The following GTF3C1 variants were observed in gnomAD, a reference collection of about 807,000 sequenced individuals.
GTF3C1 encodes the protein general transcription factor IIIC subunit 1, also known as general transcription factor 3C polypeptide 1.
In GTF3C1, 57 loss-of-function variants were observed where a neutral mutation model predicts 226.7. The ratio of observed to expected loss-of-function variants is 0.25; its 90% CI spans 0.20 to 0.31. The LOEUF (loss-of-function observed/expected upper bound fraction) is 0.31, where lower values mean the gene tolerates loss of function less well. Among genes scored for constraint, GTF3C1 ranks in the 10% least tolerant of loss-of-function variants. The pLI is 1.00. For synonymous variants in GTF3C1, 1,090 were observed against 1,084.8 expected, an observed-to-expected ratio of 1.00 and a Z score of -0.09; for missense variants, 2,217 against 2,776.1, an observed-to-expected ratio of 0.80 and a Z score of 4.53.
At chr16:27,474,370 A>C (rs751765445) in intron 29 of GTF3C1, among the ~76,000 whole-genome samples, 4 of 152,058 alleles carry the variant, frequency 2.6e-5, no homozygotes, top group Non-Finnish European at 5.9e-5. Context: ...TGGGAATAAT[A>C]CTGGGGATGG....
intron 27 of GTF3C1, among the ~76,000 whole-genome samples, chr16:27,479,557 TTCC>T (rs2088007160): frequency 6.6e-6 from 1 of 152,202 alleles, no homozygotes; most frequent in Admixed American, 6.5e-5. Context: ...CCACCTCTGC[TTCC>T]TGGGTTCAAG....
intron 25 of GTF3C1, 97 bp from the exon 26 acceptor site, chr16:27,483,222 C>T: frequency 8.3e-7 from 1 of 1,203,400 alleles, no homozygotes; most frequent in South Asian, 1.3e-5. Context: ...CTGGCCTTGG[C>T]CGACCTTGAA....
intron 4 of GTF3C1, among the ~76,000 whole-genome samples, chr16:27,536,586 TAA>T (rs1393416699): frequency 6.6e-6 from 1 of 152,236 alleles, no homozygotes; most frequent in East Asian, 1.9e-4. Context: ...CCGCAGTCAA[TAA>T]AGAGTCTACG....
chr16:27,462,893 A>G lies in GTF3C1; in HGVS notation c.5925-407T>C, dbSNP rs12445873. On this transcript the variant is annotated intron_variant, in intron 35 of 36. Coordinates refer to ENST00000356183, the MANE Select transcript of GTF3C1 (RefSeq NM_001520.4). The surrounding 1 kb of genome is among the most constrained non-coding windows in gnomAD (Gnocchi z 4.5). Reference sequence around the variant, plus strand: ...ACGCCATGTGCAGAGTTCCAGGCACACTTTCCTCGAAACAGACGTTTCTGT... The same window carrying G: ...ACGCCATGTGCAGAGTTCCAGGCACGCTTTCCTCGAAACAGACGTTTCTGT... The G allele has an allele frequency of 0.16, 32,110 of 196,008 alleles. 3,022 individuals carry two copies. Among genetic ancestry groups the G allele is most frequent in the African/African-American group, 0.25 (10,758 of 43,336 alleles). The allele number at this position is 196,008 out of a possible 1,614,324, so 12.1% of individuals were successfully genotyped here. A position where few individuals can be genotyped will look rare whatever the true frequency, so the allele number is the denominator to read the frequency against.
At position 27,506,083 on chromosome 16, in the gene GTF3C1, T is replaced by A; in HGVS notation, c.1586A>T (p.Lys529Ile). 3 of 1,613,086 alleles carry A rather than the reference T, an allele frequency of 1.9e-6. No homozygotes were observed. The highest frequency in any genetic ancestry group is 2.5e-6 in the Non-Finnish European group (3 of 1,179,072). ...GWKVVNLHPL[K>I]KQPPSFPGAA... is the part of the protein sequence containing the mutation. The stretch of plus-strand genomic sequence containing the variant: ...TCCTGGGAAGGAGGGCGGCTGCTTT[T>A]TCAATGGGTGTAGGTTTACAACTTT... The change falls in exon 10 of 37, where the codon AAA (lysine) becomes ATA (isoleucine). Residue 529 changes from lysine to isoleucine, a missense_variant. By Grantham distance (102) the Lys-to-Ile change is moderately radical. Coordinates refer to ENST00000356183, the MANE Select transcript of GTF3C1 (RefSeq NM_001520.4).
At chr16:27,505,071 G>A (rs1596639844) in intron 10 of GTF3C1, among the ~76,000 whole-genome samples, 3 of 152,320 alleles carry the variant, frequency 2.0e-5, no homozygotes, top group Admixed American at 2.0e-4. Flanking sequence ...GGCACTGGCA[G>A]TGTCTGGGGT....
At chr16:27,490,801 C>T (rs1325945933) in intron 19 of GTF3C1, among the ~76,000 whole-genome samples, 3 of 152,168 alleles carry the variant, frequency 2.0e-5, no homozygotes, top group Non-Finnish European at 4.4e-5. Flanking sequence ...ATGATTGCAT[C>T]TCATTATATG....
At chr16:27,517,531 G>A (rs971459707) in intron 6 of GTF3C1, among the ~76,000 whole-genome samples, 2 of 152,172 alleles carry the variant, frequency 1.3e-5, no homozygotes, top group African/African-American at 4.8e-5. Context: ...AGGAACAAAA[G>A]GCAGGTGAGA....
Position 27,478,483 on chromosome 16 carries a change from C to A in GTF3C1, c.4245G>T (p.Glu1415Asp). The A allele has an allele frequency of 6.2e-7, 1 of 1,607,630 alleles. No homozygotes were observed. The change falls in exon 28 of 37, where the codon GAG becomes GAT. Residue 1415 changes from glutamate (E) to aspartate (D), a missense_variant. Physicochemically the swap from Glu to Asp is conservative, Grantham distance 45. Around this residue, in one of 12 missense-constraint regions of GTF3C1, gnomAD observed 546 missense variants for 663.0 expected, o/e 0.82. Coordinates refer to ENST00000356183, the MANE Select transcript of GTF3C1 (RefSeq NM_001520.4). ...TCAGTACTTACCTGTTAAGTTCATC[C>A]TCTTTCCTGGTTTGATCTTTTTCAT... ...IGDEKDQTRK[E>D]DELNSVDDIH...
intron 21 of GTF3C1, 147 bp from the exon 22 acceptor site, chr16:27,488,782 T>C (rs1229792405): frequency 5.6e-6 from 4 of 712,984 alleles, no homozygotes; most frequent in Non-Finnish European, 9.4e-6. Flanking sequence ...CCACCCGCTT[T>C]ACCATTGCTC....
intron 27 of GTF3C1, among the ~76,000 whole-genome samples, chr16:27,479,837 C>A (rs541773095): frequency 6.6e-6 from 1 of 152,272 alleles, no homozygotes; most frequent in South Asian, 2.1e-4. Context: ...TAAACTGTTA[C>A]ACTTGCAACT....
intron 26 of GTF3C1, 87 bp downstream of exon 26, chr16:27,482,957 G>T: frequency 1.8e-6 from 2 of 1,087,256 alleles, no homozygotes; most frequent in East Asian, 2.4e-5. Context: ...AGGCTGGCAG[G>T]GGCACTGTGG....
intron 12 of GTF3C1, 22 bp downstream of exon 12, chr16:27,501,169 C>T (rs761983213): frequency 7.5e-6 from 12 of 1,600,546 alleles, no homozygotes; most frequent in Non-Finnish European, 1.0e-5. Flanking sequence ...TGGCTCTGGG[C>T]ATCGGGGGAG....
intron 19 of GTF3C1, among the ~76,000 whole-genome samples, chr16:27,490,117 G>A (rs2088210948): frequency 6.6e-6 from 1 of 152,194 alleles, no homozygotes; most frequent in African/African-American, 2.4e-5. Context: ...GGCCAAGGTG[G>A]CAGAAACGAC....
chr16:27,513,935 G>A (rs2088615282), intron 6 of GTF3C1, among the ~76,000 whole-genome samples: 1 of 152,164 alleles, frequency 6.6e-6, no homozygotes. Flanking sequence ...TGAGGTCCGA[G>A]GAAAGTCAGG....
At chr16:27,518,540 G>A (rs1244129541) in intron 6 of GTF3C1, among the ~76,000 whole-genome samples, 1 of 152,218 alleles carries the variant, frequency 6.6e-6, no homozygotes, top group African/African-American at 2.4e-5. Context: ...TACAACCTTG[G>A]AAACACACAG....
chr16:27,504,045 C>T (rs963596202), intron 10 of GTF3C1, among the ~76,000 whole-genome samples: 1 of 152,244 alleles, frequency 6.6e-6, no homozygotes. Flanking sequence ...CACCTTCGTG[C>T]TTCAGGGTGA....
intron 2 of GTF3C1, among the ~76,000 whole-genome samples, chr16:27,541,325 C>T (rs1237334709): frequency 2.0e-5 from 3 of 152,152 alleles, no homozygotes; most frequent in Admixed American, 6.5e-5. Context: ...AAGGAAAGCT[C>T]GAGAGGCCAG....
chr16:27,482,060 G>A (rs2088058051), intron 26 of GTF3C1, among the ~76,000 whole-genome samples: 1 of 152,250 alleles, frequency 6.6e-6, no homozygotes, highest in Admixed American at 6.5e-5. Flanking sequence ...TCCCAGCCAC[G>A]TGGCCCAGGT....
Sources: gnomAD v4.1 joint callset for allele counts (sites outside exome capture counted in the v4.1 genomes callset) on GRCh38, gnomAD v4.1.1 for gene constraint, gnomAD v4.1.1 regional missense constraint, Gnocchi (gnomAD v3.1) non-coding constraint, MANE v1.5 for transcripts, NCBI Gene and HGNC (gene_info 2026-07-23, HGNC 2026-07-21) for gene names.